The following MAP3K5 variants were observed in gnomAD, a reference collection of about 807,000 sequenced individuals.
MAP3K5 encodes mitogen-activated protein kinase kinase kinase 5, also known as ASK-1.
Under a neutral mutation model 158.7 loss-of-function variants are expected in MAP3K5, and 56 were observed. That is an observed-to-expected ratio of 0.35 (90% CI 0.28 to 0.44). The LOEUF is 0.44. Ranked by LOEUF, MAP3K5 falls within the 20% of genes least tolerant of loss-of-function variation. The probability of loss-of-function intolerance (pLI) is 1.00; values close to 1 mark genes in which losing one functional copy is unlikely to be tolerated. For missense variants in MAP3K5, 1,294 were observed against 1,674.8 expected (o/e 0.77, Z 3.97); for synonymous variants, 579 against 601.7 (o/e 0.96, Z 0.55).
chr6:136,591,585 T>G (rs1775388389), intron 23 of MAP3K5, among the ~76,000 whole-genome samples: 1 of 152,264 alleles, frequency 6.6e-6, no homozygotes, highest in African/African-American at 2.4e-5. Context: ...TTAACTCTTG[T>G]TTATGTCAAT....
At chr6:136,711,688 AAAG>A (rs1372993142) in intron 2 of MAP3K5, among the ~76,000 whole-genome samples, 1 of 151,490 alleles carries the variant, frequency 6.6e-6, no homozygotes, top group Non-Finnish European at 1.5e-5. Context: ...AGAAAGAAAG[AAAG>A]AAAAAAGAAA....
intron 7 of MAP3K5, among the ~76,000 whole-genome samples, chr6:136,691,740 T>G (rs896591330): frequency 2.0e-5 from 3 of 152,242 alleles, no homozygotes; most frequent in African/African-American, 7.2e-5. Context: ...TTTATTGCTC[T>G]TTTATCGTAT....
At chr6:136,674,100 G>A (rs1484583941) in intron 7 of MAP3K5, among the ~76,000 whole-genome samples, 1 of 151,550 alleles carries the variant, frequency 6.6e-6, no homozygotes, top group African/African-American at 2.4e-5. Context: ...AGAATACAAC[G>A]TAGTGACATC....
At chr6:136,577,294 C>T (rs1330838816) in intron 25 of MAP3K5, among the ~76,000 whole-genome samples, 2 of 152,176 alleles carry the variant, frequency 1.3e-5, no homozygotes, top group Non-Finnish European at 2.9e-5. Context: ...GAATGACTGA[C>T]ATCACTTCAT....
chr6:136,734,411 C>T (rs1782362708), intron 1 of MAP3K5, among the ~76,000 whole-genome samples: 1 of 112,550 alleles, frequency 8.9e-6, no homozygotes, highest in Non-Finnish European at 1.7e-5. Context: ...CAAAGCGAGA[C>T]TCTGTCTCGG....
intron 2 of MAP3K5, among the ~76,000 whole-genome samples, chr6:136,707,334 C>T (rs774920879): frequency 3.3e-5 from 5 of 152,106 alleles, no homozygotes; most frequent in Non-Finnish European, 5.9e-5. Flanking sequence ...GAAAGATGTT[C>T]CTGAAGATTG....
intron 7 of MAP3K5, among the ~76,000 whole-genome samples, chr6:136,675,178 C>T (rs1364529789): frequency 6.6e-6 from 1 of 151,682 alleles, no homozygotes; most frequent in Non-Finnish European, 1.5e-5. Context: ...AGCATGGCTT[C>T]AAAACATATA....
chr6:136,756,273 G>C (rs1269392796), intron 1 of MAP3K5, among the ~76,000 whole-genome samples: 1 of 152,080 alleles, frequency 6.6e-6, no homozygotes. Context: ...AGCTGAGATG[G>C]TACCTCTGCA....
At chr6:136,570,186 T>C (rs941542590) in intron 25 of MAP3K5, among the ~76,000 whole-genome samples, 5 of 152,178 alleles carry the variant, frequency 3.3e-5, no homozygotes, top group African/African-American at 1.2e-4. Context: ...CATTCGTATA[T>C]GGGCACTTTG....
Position 136,698,695 on chromosome 6 carries a change from G to A in MAP3K5, c.613-13C>T, listed in dbSNP as rs777825671. 2.5e-6 allele frequency: 4 copies of A among 1,599,392 alleles called. No homozygotes were observed. Among genetic ancestry groups the A allele is most frequent in the African/African-American group, 2.7e-5 (2 of 74,638 alleles). On this transcript the variant is annotated splice_polypyrimidine_tract_variant and intron_variant, in intron 3 of 29. Coordinates refer to ENST00000359015, the MANE Select transcript of MAP3K5 (RefSeq NM_005923.4). ...TCCCAGTGCACATCTGCGGAGAGAG[G>A]AGGCATCGGCAAGTGGGGAGCTGGC...
intron 1 of MAP3K5, among the ~76,000 whole-genome samples, chr6:136,761,141 C>T (rs1253739984): frequency 3.9e-5 from 6 of 152,120 alleles, no homozygotes; most frequent in African/African-American, 1.4e-4. Context: ...GCTTCCACAA[C>T]TGTGAGAAAA....
At chr6:136,614,430 A>G in intron 15 of MAP3K5, 144 bp from the exon 16 acceptor site, 1 of 833,816 alleles carries the variant, frequency 1.2e-6, no homozygotes, top group Non-Finnish European at 1.9e-6. Flanking sequence ...ATTTCTCCTA[A>G]GGTAAATTCT....
In MAP3K5 at chr6:136,592,187, C is replaced by G; in HGVS notation, c.3211G>C (p.Glu1071Gln). 1 of 1,593,582 alleles carries G rather than the reference C, an allele frequency of 6.3e-7. No homozygotes were observed. The change falls in exon 23 of 30, where the codon GAA (glutamate) becomes CAA (glutamine). Residue 1071 changes from glutamate (E) to glutamine (Q), a missense_variant. Around this residue, in one of 5 missense-constraint regions of MAP3K5, gnomAD observed 362 missense variants for 463.2 expected, o/e 0.78. Transcript: ENST00000359015. ...AGAGGATTTACCTGAGCTAAAGATT[C>G]CATTAGGTTTCTCACAATTTTGTCT... ...DQDKIVRNLMESLAQGAEEPK... is the reference protein window; with the variant it reads ...DQDKIVRNLMQSLAQGAEEPK...
chr6:136,617,787 G>C (rs1776630765), intron 15 of MAP3K5, among the ~76,000 whole-genome samples: 4 of 152,120 alleles, frequency 2.6e-5, no homozygotes, highest in Admixed American at 2.6e-4. Context: ...ATAAAAATTA[G>C]CTGGGTGTAG....
chr6:136,687,099 G>A (rs1780181956), intron 7 of MAP3K5, among the ~76,000 whole-genome samples: 2 of 152,132 alleles, frequency 1.3e-5, no homozygotes. Flanking sequence ...GAACACAACA[G>A]AGGCCTCAGA....
At chr6:136,687,663 A>G (rs1181356933) in intron 7 of MAP3K5, among the ~76,000 whole-genome samples, 1 of 152,224 alleles carries the variant, frequency 6.6e-6, no homozygotes, top group Admixed American at 6.5e-5. Context: ...CAACAAACAT[A>G]TGACAAAAAG....
At chr6:136,696,249 T>C (rs1780596162) in intron 5 of MAP3K5, among the ~76,000 whole-genome samples, 192 bp from the exon 6 acceptor site, 1 of 152,158 alleles carries the variant, frequency 6.6e-6, no homozygotes, top group African/African-American at 2.4e-5. Flanking sequence ...AGATCGTATA[T>C]ATAAAAACAT....
intron 11 of MAP3K5, 25 bp from the exon 12 acceptor site, chr6:136,642,594 C>T (rs2114321824): frequency 6.8e-7 from 1 of 1,473,546 alleles, no homozygotes; most frequent in Non-Finnish European, 9.5e-7. Context: ...AGAAAATATA[C>T]TGAGTCATCC....
At chr6:136,578,922 G>A (rs1774740266) in intron 25 of MAP3K5, among the ~76,000 whole-genome samples, 1 of 151,818 alleles carries the variant, frequency 6.6e-6, no homozygotes, top group African/African-American at 2.4e-5. Flanking sequence ...TGTAATCACA[G>A]CACTTTGGGA....
Sources: allele counts gnomAD v4.1 joint callset (sites outside exome capture counted in the v4.1 genomes callset), GRCh38; gene constraint gnomAD v4.1.1; regional missense constraint gnomAD v4.1.1; transcripts MANE v1.5; gene names NCBI Gene and HGNC (gene_info 2026-07-23, HGNC 2026-07-21).